ROBO1: variants seen among roughly 807,000 people sequenced by gnomAD.
ROBO1 encodes the protein roundabout homolog 1.
A neutral mutation model predicts 195.9 loss-of-function variants in ROBO1; 149 were observed. The ratio of observed to expected loss-of-function variants is 0.76; its 90% CI spans 0.67 to 0.87. The LOEUF (loss-of-function observed/expected upper bound fraction) is 0.87, where lower values mean the gene tolerates loss of function less well. Ranked by LOEUF, ROBO1 falls within the 40% of genes least tolerant of loss-of-function variation. The probability of loss-of-function intolerance (pLI) is 0.00; values close to 1 mark genes in which losing one functional copy is unlikely to be tolerated. For missense variants in ROBO1, 1,933 were observed against 2,068.3 expected (o/e 0.93, Z 1.27); for synonymous variants, 816 against 733.2 (o/e 1.11, Z -1.82).
Position 78,639,794 on chromosome 3 carries a change from G to A in ROBO1, c.2987C>T (p.Thr996Met), listed in dbSNP as rs750599179. ...NHNDCSISCC[T>M]AGNGNSDSNL... ...GCTGTCGCTGTTTCCATTGCCTGCC[G>A]TGCAGCAGCTGATGGAGCAGTCATT... Residue 996 changes from threonine (T) to methionine (M), a missense_variant, in exon 22 of 31, where the codon ACG becomes ATG. By Grantham distance (81) the Thr-to-Met change is moderately conservative. This residue lies in a region of ROBO1 where 1,737 missense variants were observed against 1,882.5 expected (regional missense o/e 0.92). Coordinates refer to ENST00000464233, the MANE Select transcript of ROBO1 (RefSeq NM_002941.4). 18 of 1,613,344 alleles carry A rather than the reference G, an allele frequency of 1.1e-5. No individual in the cohort carries two copies. In the East Asian group the frequency reaches 1.8e-4, roughly 16 times the overall value.
chr3:79,735,850 G>C (rs148618619), intron 1 of ROBO1, among the ~76,000 whole-genome samples: 2 of 139,488 alleles, frequency 1.4e-5, no homozygotes, highest in Admixed American at 1.5e-4. Context: ...CAGCCTGGGC[G>C]ACAGAGAGAG....
chr3:79,241,367 A>G (rs1238583342), intron 2 of ROBO1, among the ~76,000 whole-genome samples: 1 of 152,208 alleles, frequency 6.6e-6, no homozygotes, highest in Non-Finnish European at 1.5e-5. Context: ...TATTATTCAT[A>G]CATCCAGCAC....
At chr3:78,849,551 A>G (rs911628235) in intron 4 of ROBO1, among the ~76,000 whole-genome samples, 19 of 152,130 alleles carry the variant, frequency 1.2e-4, no homozygotes, top group African/African-American at 4.6e-4. Flanking sequence ...TAACAATAAC[A>G]ACTAAGAAAA....
chr3:78,723,455 C>A (rs2082089948), intron 5 of ROBO1, among the ~76,000 whole-genome samples: 1 of 152,184 alleles, frequency 6.6e-6, no homozygotes, highest in African/African-American at 2.4e-5. Flanking sequence ...AATTACTAAA[C>A]AACTTCCACT....
At chr3:79,298,011 A>G (rs2032685171) in intron 2 of ROBO1, among the ~76,000 whole-genome samples, 1 of 152,184 alleles carries the variant, frequency 6.6e-6, no homozygotes. Context: ...TGGGACTTTA[A>G]TGTTTCACTA....
At chr3:79,227,740 A>G (rs1363404973) in intron 2 of ROBO1, among the ~76,000 whole-genome samples, 1 of 152,220 alleles carries the variant, frequency 6.6e-6, no homozygotes, top group Non-Finnish European at 1.5e-5. Flanking sequence ...TGAATTCTAT[A>G]TGCTCAATTC....
intron 3 of ROBO1, among the ~76,000 whole-genome samples, chr3:79,111,674 T>C (rs1391531707): frequency 1.3e-5 from 2 of 152,122 alleles, no homozygotes; most frequent in Admixed American, 1.3e-4. Context: ...GGACAATATC[T>C]ACAGGATATT....
chr3:79,408,998 A>G (rs1246850601), intron 2 of ROBO1, among the ~76,000 whole-genome samples: 3 of 152,110 alleles, frequency 2.0e-5, no homozygotes, highest in Non-Finnish European at 1.5e-5. Context: ...CAGACATTCT[A>G]GGTTATGTTG....
intron 2 of ROBO1, chr3:79,527,938 C>A (rs964692830): frequency 6.6e-6 from 1 of 152,312 alleles, no homozygotes; most frequent in Non-Finnish European, 1.5e-5. Flanking sequence ...AAAAAATAAT[C>A]GGGCCCCTCT....
At chr3:78,920,815 A>C (rs184463484) in intron 4 of ROBO1, among the ~76,000 whole-genome samples, 17 of 151,638 alleles carry the variant, frequency 1.1e-4, no homozygotes, top group Non-Finnish European at 2.2e-4. Flanking sequence ...TGCTCAGCTG[A>C]TTTTATTTTT....
At chr3:79,466,316 T>C (rs1409559405) in intron 2 of ROBO1, among the ~76,000 whole-genome samples, 1 of 152,172 alleles carries the variant, frequency 6.6e-6, no homozygotes, top group Non-Finnish European at 1.5e-5. Context: ...AAAACTCATG[T>C]CATTTCTATT....
At chr3:79,388,185 C>G (rs1047302141) in intron 2 of ROBO1, among the ~76,000 whole-genome samples, 3 of 152,058 alleles carry the variant, frequency 2.0e-5, no homozygotes, top group African/African-American at 7.2e-5. Context: ...TTCTTTCTTA[C>G]GCTAAAATTA....
intron 2 of ROBO1, among the ~76,000 whole-genome samples, chr3:79,280,807 C>T (rs2031445585): frequency 6.6e-6 from 1 of 152,154 alleles, no homozygotes; most frequent in Non-Finnish European, 1.5e-5. Context: ...ACCTACATTG[C>T]TCGCATGCGC....
chr3:78,936,623 T>C (rs1176695719), intron 4 of ROBO1, among the ~76,000 whole-genome samples: 3 of 152,044 alleles, frequency 2.0e-5, no homozygotes, highest in African/African-American at 7.2e-5. Context: ...ACAATTACTA[T>C]ATGAGCTATT....
intron 1 of ROBO1, among the ~76,000 whole-genome samples, chr3:79,723,696 A>T (rs982905223): frequency 6.6e-6 from 1 of 152,188 alleles, no homozygotes; most frequent in Admixed American, 6.6e-5. Flanking sequence ...AGTCATATGA[A>T]TAAAAATTAT....
rs1239397709 is a variant in ROBO1, at chr3:78,617,866, G to A, written c.4051C>T (p.Leu1351Phe). ...MQTRRLLLRG[L>F]EQTPASSVGD... Reference sequence around the variant, plus strand: ...ACACTGGAGGCAGGTGTCTGCTCAAGCCCACGTAACAAAAGCCTTCTGGTT... The same window carrying A: ...ACACTGGAGGCAGGTGTCTGCTCAAACCCACGTAACAAAAGCCTTCTGGTT... Residue 1351 changes from leucine to phenylalanine, a missense_variant, in exon 27 of 31, where the codon CTT (leucine) becomes TTT (phenylalanine). By Grantham distance (22) the Leu-to-Phe change is conservative. Transcript: ENST00000464233. 3.1e-6 allele frequency: 5 copies of A among 1,613,974 alleles called. No individual in the cohort carries two copies. The Admixed American group carries it at 8.3e-5, about 27-fold the overall frequency.
At chr3:78,627,294 T>C (rs1464676225) in intron 26 of ROBO1, 27 bp downstream of exon 26, 4 of 1,599,258 alleles carry the variant, frequency 2.5e-6, no homozygotes, top group African/African-American at 2.7e-5. Context: ...TCTGATTTGT[T>C]AGCAAAGAAG....
At chr3:79,164,766 C>T (rs1385083694) in intron 2 of ROBO1, among the ~76,000 whole-genome samples, 6 of 152,264 alleles carry the variant, frequency 3.9e-5, no homozygotes, top group Admixed American at 6.5e-5. Flanking sequence ...ATCTCATTCC[C>T]GACTCCTCTC....
intron 2 of ROBO1, among the ~76,000 whole-genome samples, chr3:79,307,295 T>C (rs1456461113): frequency 6.6e-6 from 1 of 152,070 alleles, no homozygotes; most frequent in Non-Finnish European, 1.5e-5. Flanking sequence ...TACAGGCTTT[T>C]CTTTTTTTTT....
Sources: gnomAD v4.1 joint callset for allele counts (sites outside exome capture counted in the v4.1 genomes callset) on GRCh38, gnomAD v4.1.1 for gene constraint, gnomAD v4.1.1 regional missense constraint, MANE v1.5 for transcripts, NCBI Gene and HGNC (gene_info 2026-07-23, HGNC 2026-07-21) for gene names.